The following TAF1B variants were observed in gnomAD, a reference collection of about 807,000 sequenced individuals.
TAF1B encodes TATA box-binding protein-associated factor RNA polymerase I subunit B.
A neutral mutation model predicts 83.9 loss-of-function variants in TAF1B; 61 were observed. The ratio of observed to expected loss-of-function variants is 0.73; its 90% confidence interval spans 0.59 to 0.90. The LOEUF (loss-of-function observed/expected upper bound fraction) is 0.90. Ranked by LOEUF, TAF1B falls within the 40% of genes least tolerant of loss-of-function variation. The pLI is 0.00. For missense variants in TAF1B, 625 were observed against 677.0 expected (o/e 0.92, Z 0.85); for synonymous variants, 221 against 224.6 (o/e 0.98, Z 0.14).
intron 14 of TAF1B, among the ~76,000 whole-genome samples, chr2:9,933,404 C>T (rs1351103003): frequency 6.6e-6 from 1 of 152,200 alleles, no homozygotes; most frequent in Non-Finnish European, 1.5e-5. Flanking sequence ...GGGTGGAAGT[C>T]AGGAATTATT....
At chr2:9,849,578 C>G (rs971455003) in intron 3 of TAF1B, 118 bp downstream of exon 3, 1 of 638,508 alleles carries the variant, frequency 1.6e-6, no homozygotes, top group East Asian at 3.0e-5. Context: ...ATTTTATCTA[C>G]TGGCATACGT....
chr2:9,888,443 G>A (rs1345941205), intron 8 of TAF1B, among the ~76,000 whole-genome samples: 2 of 151,730 alleles, frequency 1.3e-5, no homozygotes, highest in African/African-American at 2.4e-5. Context: ...TCTAAAAAAC[G>A]TCCTTTAACA....
chr2:9,869,812 C>CA (rs1463575450), intron 6 of TAF1B, among the ~76,000 whole-genome samples: 11 of 151,874 alleles, frequency 7.2e-5, no homozygotes, highest in Admixed American at 1.3e-4. Context: ...GCAGAGGTTT[C>CA]AGTGAGCCAA....
chr2:9,905,320 T>G (rs1665308084), intron 9 of TAF1B, among the ~76,000 whole-genome samples: 1 of 152,204 alleles, frequency 6.6e-6, no homozygotes, highest in African/African-American at 2.4e-5. Context: ...CAGTATATGT[T>G]TTTAATGACC....
At chr2:9,933,716 A>G in intron 14 of TAF1B, 67 bp from the exon 15 acceptor site, 1 of 1,301,962 alleles carries the variant, frequency 7.7e-7, no homozygotes, top group Non-Finnish European at 1.1e-6. Context: ...GGGGATGTTC[A>G]GGGGTTAGTG....
chr2:9,848,308 A>G (rs1181959111), intron 2 of TAF1B, among the ~76,000 whole-genome samples: 1 of 152,194 alleles, frequency 6.6e-6, no homozygotes, highest in Admixed American at 6.5e-5. Context: ...CCAAATCTCT[A>G]AATTTAGAAA....
intron 8 of TAF1B, among the ~76,000 whole-genome samples, chr2:9,893,283 G>A (rs976682590): frequency 2.6e-5 from 4 of 151,944 alleles, no homozygotes; most frequent in Non-Finnish European, 4.4e-5. Context: ...TTATTTCTGC[G>A]TCATTGATTA....
At chr2:9,856,269 G>A (rs998073678) in intron 5 of TAF1B, among the ~76,000 whole-genome samples, 2 of 151,724 alleles carry the variant, frequency 1.3e-5, no homozygotes, top group African/African-American at 4.8e-5. Flanking sequence ...TTATCCTGGC[G>A]GGCAGTTGTG....
intron 11 of TAF1B, 129 bp from the exon 12 acceptor site, chr2:9,913,030 T>C: frequency 3.0e-6 from 2 of 663,684 alleles, no homozygotes; most frequent in Non-Finnish European, 5.1e-6. Flanking sequence ...GTCTCTCTAA[T>C]GTCTACATCT....
intron 14 of TAF1B, among the ~76,000 whole-genome samples, chr2:9,920,106 A>G (rs1294271027): frequency 6.6e-6 from 1 of 152,224 alleles, no homozygotes; most frequent in East Asian, 1.9e-4. Context: ...TGTATTTTTT[A>G]GTACATATCA....
In TAF1B at chr2:9,918,908, T is replaced by C. The variant is rs1222654139; in HGVS notation, c.1272-133T>C. On this transcript the variant is annotated intron_variant, in intron 12 of 14. Coordinates refer to ENST00000263663, the MANE Select transcript of TAF1B (RefSeq NM_005680.3). ...TAGGGCCTAAGTTCAATAGGCAATA[T>C]AGACATGTGCCAGTAGGCCATTCCA... 7.9e-6 allele frequency: 6 copies of C among 756,392 alleles called. No individual in the cohort carries two copies. The Admixed American group carries it at 1.1e-4, about 14-fold the overall frequency. 46.9% of individuals were successfully genotyped at this position (756,392 alleles called of 1,614,324 possible).
chr2:9,882,721 C>G lies in TAF1B; in HGVS notation c.723C>G (p.Asp241Glu). ...AAAAATACAGGTTTGTTGAAGAGGACCATATTCCTTACATAAATGCTTTTC... is the reference window on the plus strand; with the variant it reads ...AAAAATACAGGTTTGTTGAAGAGGAGCATATTCCTTACATAAATGCTTTTC... ...LSDLLRFVEE[D>E]HIPYINAFQH... Residue 241 changes from aspartate (D) to glutamate (E), a missense_variant, in exon 8 of 15, where the codon GAC (aspartate) becomes GAG (glutamate). Asp to Glu is a conservative substitution (Grantham distance 45). Transcript: ENST00000263663. 3.7e-6 allele frequency: 6 copies of G among 1,609,822 alleles called. No individual in the cohort carries two copies. The highest frequency in any genetic ancestry group is 5.1e-6 in the Non-Finnish European group (6 of 1,177,906).
At position 9,914,999 on chromosome 2, in the gene TAF1B, T is replaced by C. The variant is rs1665639862; in HGVS notation, c.1271+1750T>C. Among the ~76,000 whole-genome samples the C allele has an allele frequency of 6.6e-6, 1 of 152,266 alleles. No individual in the cohort carries two copies. The highest frequency in any genetic ancestry group is 1.5e-5 in the Non-Finnish European group (1 of 68,048). On this transcript the variant is annotated intron_variant, in intron 12 of 14. Coordinates refer to ENST00000263663, the MANE Select transcript of TAF1B (RefSeq NM_005680.3). The surrounding 1 kb of genome is among the most constrained non-coding windows in gnomAD (Gnocchi z 4.3). ...AGATGAAAATTATTAAAACATTTTC[T>C]ATATCTGAGCATGGGTTCCTATGCA...
chr2:9,902,635 G>A (rs958828536), intron 8 of TAF1B, among the ~76,000 whole-genome samples: 18 of 152,142 alleles, frequency 1.2e-4, no homozygotes, highest in Non-Finnish European at 8.8e-5. Context: ...ATCTATTCTA[G>A]ATACGTAATT....
chr2:9,857,577 C>T (rs1033142420), intron 5 of TAF1B, among the ~76,000 whole-genome samples: 7 of 152,168 alleles, frequency 4.6e-5, no homozygotes, highest in African/African-American at 1.7e-4. Flanking sequence ...TCCATTTTCA[C>T]ACTGCTATAA....
At chr2:9,927,572 G>A (rs952082050) in intron 14 of TAF1B, among the ~76,000 whole-genome samples, 37 of 152,230 alleles carry the variant, frequency 2.4e-4, no homozygotes, top group Non-Finnish European at 4.4e-4. Flanking sequence ...TCTAACTGGT[G>A]TGAGATGGTA....
chr2:9,845,356 T>C (rs1313813520), intron 2 of TAF1B, 38 bp downstream of exon 2: 6 of 1,580,260 alleles, frequency 3.8e-6, no homozygotes, highest in Non-Finnish European at 5.2e-6. Context: ...TGCTTATGTT[T>C]TAAAAATTGC....
intron 9 of TAF1B, 111 bp downstream of exon 9, chr2:9,905,117 G>A (rs1665303283): frequency 9.0e-6 from 8 of 885,990 alleles, no homozygotes; most frequent in Middle Eastern, 2.3e-4. Flanking sequence ...AAAGGTCCAT[G>A]GTTACATGAA....
intron 6 of TAF1B, among the ~76,000 whole-genome samples, chr2:9,870,683 A>G (rs1234852160): frequency 2.0e-5 from 3 of 152,156 alleles, no homozygotes; most frequent in Admixed American, 6.5e-5. Flanking sequence ...TTATCTGCAC[A>G]TAGTCCCCAG....
Sources: allele counts gnomAD v4.1 joint callset (sites outside exome capture counted in the v4.1 genomes callset), GRCh38; gene constraint gnomAD v4.1.1; non-coding constraint Gnocchi (gnomAD v3.1); transcripts MANE v1.5; gene names NCBI Gene and HGNC (gene_info 2026-07-23, HGNC 2026-07-21).